The following STK26 variants were observed in gnomAD, a reference collection of about 807,000 sequenced individuals.
The protein encoded by STK26 is serine/threonine kinase 26.
STK26 carries 14 observed loss-of-function variants against 34.7 expected under a neutral mutation model. The observed-to-expected ratio is 0.40, with a 90% CI of 0.27 to 0.63. The LOEUF (loss-of-function observed/expected upper bound fraction) is 0.63. STK26 is among the 30% of genes least tolerant of loss of function. The pLI is 0.38. For missense variants in STK26, 226 were observed against 309.1 expected (o/e 0.73, Z 2.02); for synonymous variants, 100 against 109.8 (o/e 0.91, Z 0.56).
At chrX:132,050,501 A>G (rs1263030587) in intron 2 of STK26, among the ~76,000 whole-genome samples, 1 of 111,336 alleles carries the variant, frequency 9.0e-6, no homozygotes, top group Non-Finnish European at 1.9e-5. Context: ...ACCCTGCGGA[A>G]CCCACATATA....
At chrX:132,030,523 G>T (rs1390292781) in intron 2 of STK26, among the ~76,000 whole-genome samples, 2 of 111,630 alleles carry the variant, frequency 1.8e-5, no homozygotes, top group African/African-American at 6.5e-5. Flanking sequence ...TTTGATTAAT[G>T]GCTCAGTGCT....
At chrX:132,027,269 C>T (rs752002769) in intron 2 of STK26, among the ~76,000 whole-genome samples, 3 of 111,693 alleles carry the variant, frequency 2.7e-5, no homozygotes, top group African/African-American at 6.5e-5. Flanking sequence ...TTCTGTTTTT[C>T]GCTTTCCATA....
chrX:132,055,508 A>G (rs1223320907), intron 3 of STK26: 3 of 1,153,456 alleles, frequency 2.6e-6, no homozygotes, highest in South Asian at 3.8e-5. Flanking sequence ...GTGTTACTAC[A>G]TAGCAGAAAA....
chrX:132,055,333 T>TA (rs1212218901), intron 3 of STK26: 7 of 648,590 alleles, frequency 1.1e-5, no homozygotes, highest in African/African-American at 2.2e-5. Context: ...TCCTGGTACT[T>TA]ACATTCCTTA....
At chrX:132,027,649 G>A (rs771227811) in intron 2 of STK26, among the ~76,000 whole-genome samples, 3 of 111,212 alleles carry the variant, frequency 2.7e-5, no homozygotes, top group Admixed American at 9.5e-5. Flanking sequence ...TGATAAGGTC[G>A]GAAAACTGGA....
chrX:132,067,774 T>G (rs1351197256), intron 4 of STK26, among the ~76,000 whole-genome samples: 1 of 111,970 alleles, frequency 8.9e-6, no homozygotes, highest in African/African-American at 3.2e-5. Flanking sequence ...ATCTTATGGA[T>G]TCTCTGACCT....
chrX:132,038,541 A>G (rs1330558782), intron 2 of STK26, among the ~76,000 whole-genome samples: 1 of 111,322 alleles, frequency 9.0e-6, no homozygotes, highest in Non-Finnish European at 1.9e-5. Flanking sequence ...CATTGTTTCT[A>G]GACACTTGGA....
chrX:132,048,916 G>A (rs760268486), intron 2 of STK26, among the ~76,000 whole-genome samples: 1 of 112,065 alleles, frequency 8.9e-6, no homozygotes, highest in Non-Finnish European at 1.9e-5. Context: ...CTGTTTTCTC[G>A]AACTCAGCAC....
At chrX:132,058,921 A>G (rs1463323125) in intron 3 of STK26, among the ~76,000 whole-genome samples, 4 of 107,610 alleles carry the variant, frequency 3.7e-5, no homozygotes, top group African/African-American at 1.3e-4. Flanking sequence ...GTGTATATAC[A>G]TATGTCTTGA....
At chrX:132,050,683 G>T (rs2124164778) in intron 2 of STK26, among the ~76,000 whole-genome samples, 1 of 112,163 alleles carries the variant, frequency 8.9e-6, no homozygotes, top group South Asian at 3.7e-4. Context: ...AAGAAGTATT[G>T]CAGACTTCAT....
chrX:132,024,171 C>CT (rs1373113676), intron 2 of STK26, among the ~76,000 whole-genome samples: 1 of 111,226 alleles, frequency 9.0e-6, no homozygotes, highest in Non-Finnish European at 1.9e-5. Context: ...CTCTTTCTCC[C>CT]TTTCGGTACT....
In STK26 at chrX:132,023,676, C is replaced by A. The variant is rs368621858; in HGVS notation, c.42+17C>A. 2.7e-4 allele frequency: 313 copies of A among 1,172,320 alleles called. No individual in the cohort carries two copies. The highest frequency in any genetic ancestry group is 5.6e-4 in the Middle Eastern group (2 of 3,568). On this transcript the variant is annotated intron_variant, in intron 2 of 11. Transcript: ENST00000394334. ...GGGATGCAGGTGAGGAAGCGCAGGC[C>A]GCCCCCGCCGCCCACGTGACTGCTT...
chrX:132,038,456 A>T (rs185933396), intron 2 of STK26, among the ~76,000 whole-genome samples: 1 of 111,940 alleles, frequency 8.9e-6, no homozygotes, highest in East Asian at 2.8e-4. Context: ...AAGATCTAAC[A>T]TAACGGGAAT....
At chrX:132,030,055 T>G (rs1168122231) in intron 2 of STK26, among the ~76,000 whole-genome samples, 1 of 112,054 alleles carries the variant, frequency 8.9e-6, no homozygotes, top group Non-Finnish European at 1.9e-5. Context: ...TTAAAAATAT[T>G]GTACAACACC....
chrX:132,038,532 A>G (rs1337782614), intron 2 of STK26, among the ~76,000 whole-genome samples: 1 of 111,186 alleles, frequency 9.0e-6, no homozygotes, highest in Non-Finnish European at 1.9e-5. Context: ...GGGCCAATAC[A>G]TTGTTTCTAG....
chrX:132,071,220 A>G lies in STK26; in HGVS notation c.932+3A>G. ...TCTGATTCCGAGGGCTCTGATTCGT[A>G]TGTACAAATTATTTAATTTTTATGT... On this transcript the variant is annotated splice_donor_region_variant and intron_variant, in intron 8 of 11. Coordinates refer to ENST00000394334, the MANE Select transcript of STK26 (RefSeq NM_016542.4). 1 of 1,205,233 alleles carries G rather than the reference A, an allele frequency of 8.3e-7. No homozygotes were observed. Among genetic ancestry groups the G allele is most frequent in the Non-Finnish European group, 1.1e-6 (1 of 892,122 alleles).
At chrX:132,027,253 C>G (rs993543079) in intron 2 of STK26, among the ~76,000 whole-genome samples, 23 of 111,867 alleles carry the variant, frequency 2.1e-4, no homozygotes, top group African/African-American at 7.2e-4. Context: ...GGTACTCACA[C>G]AACCATTCTG....
chrX:132,029,192 T>G (rs1293291413), intron 2 of STK26, among the ~76,000 whole-genome samples: 1 of 112,082 alleles, frequency 8.9e-6, no homozygotes, highest in Non-Finnish European at 1.9e-5. Context: ...TCCGTCATCA[T>G]GTACTTCTCT....
Position 132,068,201 on chromosome X carries a change from T to C in STK26, c.331-14T>C. 2 of 1,167,826 alleles carry C rather than the reference T, an allele frequency of 1.7e-6. No individual in the cohort carries two copies. Among genetic ancestry groups the C allele is most frequent in the Non-Finnish European group, 2.3e-6 (2 of 868,980 alleles). On this transcript the variant is annotated splice_polypyrimidine_tract_variant and intron_variant, in intron 4 of 11. Transcript: ENST00000394334. ...ACACATATGTGTATGTGTGTGTGTGTTTTTCCCCTTAAGCTTCGAGCTGGT... is the reference window on the plus strand; with the variant it reads ...ACACATATGTGTATGTGTGTGTGTGCTTTTCCCCTTAAGCTTCGAGCTGGT...
Sources: gnomAD v4.1 joint callset for allele counts (sites outside exome capture counted in the v4.1 genomes callset) on GRCh38, gnomAD v4.1.1 for gene constraint, MANE v1.5 for transcripts, NCBI Gene and HGNC (gene_info 2026-07-23, HGNC 2026-07-21) for gene names.